The following TRDN variants were observed in gnomAD, a reference collection of about 807,000 sequenced individuals.
TRDN encodes triadin in skeletal muscle.
Under a neutral mutation model 149.7 loss-of-function variants are expected in TRDN, and 161 were observed. That is an observed-to-expected ratio of 1.08 (90% CI 0.95 to 1.23). The LOEUF (loss-of-function observed/expected upper bound fraction) is 1.23, where lower values mean the gene tolerates loss of function less well. TRDN is among the 50% of genes most tolerant of loss of function. The pLI is 0.00. For synonymous variants in TRDN, 294 were observed against 250.5 expected (o/e 1.17, Z -1.64); for missense variants, 896 against 823.5 (o/e 1.09, Z -1.08).
At chr6:123,633,612 G>C (rs1378564618) in intron 1 of TRDN, among the ~76,000 whole-genome samples, 2 of 152,004 alleles carry the variant, frequency 1.3e-5, no homozygotes, top group East Asian at 1.9e-4. Context: ...TATCATTGCT[G>C]TTATAATTAT....
intron 21 of TRDN, among the ~76,000 whole-genome samples, chr6:123,338,339 C>T (rs1469205643): frequency 2.6e-5 from 4 of 152,090 alleles, no homozygotes; most frequent in Admixed American, 6.6e-5. Context: ...AGTTTTGCTC[C>T]GTAGGCCATT....
chr6:123,422,379 C>A (rs565623037), intron 12 of TRDN, among the ~76,000 whole-genome samples: 1 of 152,124 alleles, frequency 6.6e-6, no homozygotes, highest in Admixed American at 6.5e-5. Context: ...CAGAAGCAAT[C>A]TTGTTACAAG....
chr6:123,396,167 A>G (rs1291441004), intron 12 of TRDN, among the ~76,000 whole-genome samples: 1 of 152,204 alleles, frequency 6.6e-6, no homozygotes, highest in Non-Finnish European at 1.5e-5. Context: ...ACTACTGAAA[A>G]CACATTAATC....
intron 24 of TRDN, among the ~76,000 whole-genome samples, chr6:123,314,453 C>A (rs530555308): frequency 6.6e-6 from 1 of 151,770 alleles, no homozygotes; most frequent in Non-Finnish European, 1.5e-5. Context: ...CATCAAAGAC[C>A]AGTGTGGCAT....
intron 13 of TRDN, among the ~76,000 whole-genome samples, chr6:123,391,612 T>C (rs1479487340): frequency 6.6e-6 from 1 of 152,052 alleles, no homozygotes; most frequent in Non-Finnish European, 1.5e-5. Flanking sequence ...TTTGTTAAAA[T>C]AATTTCCTTA....
chr6:123,222,665 T>C (rs1173173479), intron 39 of TRDN, among the ~76,000 whole-genome samples: 2 of 151,790 alleles, frequency 1.3e-5, no homozygotes, highest in African/African-American at 2.4e-5. Context: ...GCTAGAACAA[T>C]GCTTAGGCAA....
chr6:123,301,953 T>C (rs1348853608), intron 24 of TRDN, among the ~76,000 whole-genome samples: 2 of 149,876 alleles, frequency 1.3e-5, no homozygotes, highest in African/African-American at 4.9e-5. Flanking sequence ...TAATGATCTT[T>C]GCATTGATAC....
intron 12 of TRDN, among the ~76,000 whole-genome samples, chr6:123,399,375 C>A (rs1350639035): frequency 6.6e-6 from 1 of 152,034 alleles, no homozygotes; most frequent in African/African-American, 2.4e-5. Flanking sequence ...GGTTGAAGAC[C>A]AAGGTATCAA....
chr6:123,551,721 T>A (rs1781401537), intron 2 of TRDN, among the ~76,000 whole-genome samples: 1 of 151,988 alleles, frequency 6.6e-6, no homozygotes, highest in Non-Finnish European at 1.5e-5. Flanking sequence ...AAGGCACAGA[T>A]AATTTAAATA....
chr6:123,581,745 G>A (rs1783131936), intron 1 of TRDN, among the ~76,000 whole-genome samples: 1 of 152,190 alleles, frequency 6.6e-6, no homozygotes, highest in Non-Finnish European at 1.5e-5. Flanking sequence ...GGCTACAACA[G>A]TGGAGGAAAG....
At chr6:123,312,901 C>T (rs1298127991) in intron 24 of TRDN, among the ~76,000 whole-genome samples, 2 of 151,872 alleles carry the variant, frequency 1.3e-5, no homozygotes, top group Non-Finnish European at 2.9e-5. Context: ...TCACTAAGCA[C>T]AACTCTGGAC....
At chr6:123,581,565 G>A (rs181220312) in intron 1 of TRDN, among the ~76,000 whole-genome samples, 6 of 152,238 alleles carry the variant, frequency 3.9e-5, no homozygotes, top group Non-Finnish European at 8.8e-5. Context: ...GCATATAGAA[G>A]GTTATGCGGT....
At chr6:123,375,742 G>T in intron 18 of TRDN, 111 bp from the exon 19 acceptor site, 1 of 836,066 alleles carries the variant, frequency 1.2e-6, no homozygotes, top group South Asian at 2.4e-5. Context: ...GTATAATATT[G>T]GAAGCTAAAG....
chr6:123,345,250 T>C (rs898005179), intron 21 of TRDN, among the ~76,000 whole-genome samples: 5 of 152,040 alleles, frequency 3.3e-5, no homozygotes, highest in African/African-American at 1.2e-4. Flanking sequence ...TGAGGGTTTT[T>C]TGTTTTCTTT....
chr6:123,596,678 T>A (rs1411763533), intron 1 of TRDN, among the ~76,000 whole-genome samples: 1 of 152,074 alleles, frequency 6.6e-6, no homozygotes, highest in Non-Finnish European at 1.5e-5. Context: ...AACCCAAGGC[T>A]CTGAAGAATT....
intron 8 of TRDN, chr6:123,502,757 C>G: frequency 1.0e-6 from 1 of 984,812 alleles, no homozygotes; most frequent in African/African-American, 1.7e-5. Flanking sequence ...CCTTAGATAA[C>G]ATTAGTCAAA....
At chr6:123,245,419 GA>G (rs990102727) in intron 38 of TRDN, among the ~76,000 whole-genome samples, 4 of 149,108 alleles carry the variant, frequency 2.7e-5, no homozygotes, top group East Asian at 2.0e-4. Flanking sequence ...CAAATGGAAA[GA>G]AAAAAAAAGC....
chr6:123,304,788 C>A (rs151310730), intron 24 of TRDN, among the ~76,000 whole-genome samples: 1 of 151,952 alleles, frequency 6.6e-6, no homozygotes, highest in African/African-American at 2.4e-5. Context: ...TAATAGAGAT[C>A]AAGCTGAAAA....
At chr6:123,420,390 T>TAA (rs1562304532) in intron 12 of TRDN, among the ~76,000 whole-genome samples, 355 of 68,246 alleles carry the variant, frequency 5.2e-3, no homozygotes, top group African/African-American at 0.019. Context: ...AAGGATTTTT[T>TAA]TAAAAAAAAA....
Sources: gnomAD v4.1 joint callset for allele counts (sites outside exome capture counted in the v4.1 genomes callset) on GRCh38, gnomAD v4.1.1 for gene constraint, MANE v1.5 for transcripts, NCBI Gene and HGNC (gene_info 2026-07-23, HGNC 2026-07-21) for gene names.